IL33: variants seen among roughly 807,000 people sequenced by gnomAD.
IL33 encodes the protein interleukin 33, also known as interleukin-33.
Under a neutral mutation model 27.3 loss-of-function variants are expected in IL33, and 37 were observed. The observed-to-expected ratio is 1.36, with a 90% CI of 1.04 to 1.78. The LOEUF (loss-of-function observed/expected upper bound fraction) is 1.78. Ranked by LOEUF, IL33 falls within the 40% of genes most tolerant of loss-of-function variation. The pLI is 0.00. For missense variants in IL33, 406 were observed against 311.4 expected (o/e 1.30, Z -2.29); for synonymous variants, 132 against 102.9 (o/e 1.28, Z -1.71).
At chr9:6,238,170 G>A (rs1038895065) in intron 1 of IL33, among the ~76,000 whole-genome samples, 1 of 152,184 alleles carries the variant, frequency 6.6e-6, no homozygotes, top group Non-Finnish European at 1.5e-5. Flanking sequence ...CAAGATGGAA[G>A]TCAGGAGGCT....
chr9:6,244,605 A>G (rs1228742892), intron 2 of IL33, among the ~76,000 whole-genome samples: 2 of 152,172 alleles, frequency 1.3e-5, no homozygotes, highest in Non-Finnish European at 2.9e-5. Context: ...GGTAACTGAA[A>G]TCATGGAAAG....
chr9:6,251,424 A>T (rs1195975731), intron 4 of IL33, among the ~76,000 whole-genome samples, 159 bp downstream of exon 4: 1 of 152,114 alleles, frequency 6.6e-6, no homozygotes, highest in African/African-American at 2.4e-5. Flanking sequence ...ATAGTATCCA[A>T]AGTAGGTGCA....
At chr9:6,252,646 C>G (rs1816469271) in intron 4 of IL33, among the ~76,000 whole-genome samples, 1 of 152,166 alleles carries the variant, frequency 6.6e-6, no homozygotes, top group East Asian at 1.9e-4. Flanking sequence ...ACTCACATGG[C>G]CTCCCAGGGC....
intron 1 of IL33, among the ~76,000 whole-genome samples, chr9:6,228,346 C>G (rs1022243442): frequency 3.9e-5 from 6 of 152,116 alleles, no homozygotes; most frequent in Admixed American, 6.6e-5. Context: ...TTATTTAACT[C>G]TACATGCTTT....
intron 2 of IL33, among the ~76,000 whole-genome samples, chr9:6,248,584 C>A (rs1428492719): frequency 6.6e-6 from 1 of 150,662 alleles, no homozygotes; most frequent in African/African-American, 2.4e-5. Context: ...TCTTTTTTTT[C>A]TTTTTTTAGA....
chr9:6,248,057 C>T (rs913792996), intron 2 of IL33, among the ~76,000 whole-genome samples: 1 of 151,998 alleles, frequency 6.6e-6, no homozygotes, highest in Non-Finnish European at 1.5e-5. Context: ...CCATGTGATG[C>T]TGACTAAAAT....
chr9:6,257,254 A>G lies in IL33; in HGVS notation c.*1086A>G, dbSNP rs1816790447. 1 of 152,150 alleles carries G rather than the reference A, an allele frequency of 6.6e-6. No homozygotes were observed. The highest frequency in any genetic ancestry group is 1.5e-5 in the Non-Finnish European group (1 of 68,018). 9.4% of individuals were successfully genotyped at this position (152,150 alleles called of 1,614,324 possible). On this transcript the variant is annotated 3_prime_UTR_variant, in exon 8 of 8. Coordinates refer to ENST00000682010, the MANE Select transcript of IL33 (RefSeq NM_033439.4). Reference sequence around the variant, plus strand: ...CTAATCCTTATTTCCCATGTGCACAAGTCTTTTTGTATTCCAGCTTCCTGA... The same window carrying G: ...CTAATCCTTATTTCCCATGTGCACAGGTCTTTTTGTATTCCAGCTTCCTGA...
intron 2 of IL33, among the ~76,000 whole-genome samples, chr9:6,246,795 A>C (rs1473740708): frequency 1.3e-5 from 2 of 152,210 alleles, no homozygotes; most frequent in African/African-American, 4.8e-5. Context: ...GAAGGCCCTC[A>C]TCAGCTACAG....
chr9:6,239,245 C>A (rs1358819889), intron 1 of IL33, among the ~76,000 whole-genome samples: 1 of 152,174 alleles, frequency 6.6e-6, no homozygotes, highest in Non-Finnish European at 1.5e-5. Flanking sequence ...ACATTCCTTT[C>A]CTTTTTTGGT....
At chr9:6,245,010 C>T (rs1819746153) in intron 2 of IL33, among the ~76,000 whole-genome samples, 2 of 152,202 alleles carry the variant, frequency 1.3e-5, no homozygotes, top group African/African-American at 2.4e-5. Flanking sequence ...GAAAGCCTCT[C>T]ACAACCCTTC....
At chr9:6,247,844 T>C (rs1819954303) in intron 2 of IL33, among the ~76,000 whole-genome samples, 7 of 152,012 alleles carry the variant, frequency 4.6e-5, no homozygotes, top group Admixed American at 3.9e-4. Context: ...TCAAATGTAG[T>C]AACCCCCATC....
At chr9:6,221,439 T>C (rs1755538985) in intron 1 of IL33, among the ~76,000 whole-genome samples, 2 of 152,234 alleles carry the variant, frequency 1.3e-5, no homozygotes, top group South Asian at 4.1e-4. Context: ...CTTTCCATTA[T>C]GTCAAGTGGA....
chr9:6,253,366 A>G (rs1401280418), intron 5 of IL33, among the ~76,000 whole-genome samples, 186 bp from the exon 6 acceptor site: 4 of 152,208 alleles, frequency 2.6e-5, no homozygotes, highest in African/African-American at 7.2e-5. Flanking sequence ...TTTAATAACA[A>G]CTATATTGGA....
At chr9:6,247,548 A>T (rs1819934972) in intron 2 of IL33, among the ~76,000 whole-genome samples, 1 of 152,196 alleles carries the variant, frequency 6.6e-6, no homozygotes, top group Admixed American at 6.5e-5. Context: ...TGAGGGATTC[A>T]TGCTGCTGTT....
chr9:6,229,771 G>T (rs1490795482), intron 1 of IL33, among the ~76,000 whole-genome samples: 1 of 152,160 alleles, frequency 6.6e-6, no homozygotes, highest in Non-Finnish European at 1.5e-5. Flanking sequence ...CACAACCCTT[G>T]TTCCCAAGGA....
chr9:6,244,409 A>G (rs902283581), intron 2 of IL33, among the ~76,000 whole-genome samples: 2 of 152,124 alleles, frequency 1.3e-5, no homozygotes, highest in Non-Finnish European at 2.9e-5. Flanking sequence ...ATAGTAATGA[A>G]CCCTATATAT....
At chr9:6,237,009 T>C (rs1006224798) in intron 1 of IL33, among the ~76,000 whole-genome samples, 25 of 152,340 alleles carry the variant, frequency 1.6e-4, no homozygotes, top group Admixed American at 4.6e-4. Context: ...CATACATCAA[T>C]ACTGTCATCC....
intron 2 of IL33, among the ~76,000 whole-genome samples, chr9:6,248,225 T>A (rs1290861375): frequency 6.8e-6 from 1 of 147,252 alleles, no homozygotes; most frequent in Admixed American, 7.1e-5. Flanking sequence ...GTCAGATCTT[T>A]TTTTCTTTTC....
intron 2 of IL33, among the ~76,000 whole-genome samples, chr9:6,244,136 G>A (rs1008139507): frequency 1.3e-5 from 2 of 152,170 alleles, no homozygotes; most frequent in East Asian, 3.9e-4. Context: ...TTATGCCAGA[G>A]TTGGTGGTAT....
Sources: allele counts gnomAD v4.1 joint callset (sites outside exome capture counted in the v4.1 genomes callset), GRCh38; gene constraint gnomAD v4.1.1; transcripts MANE v1.5; gene names NCBI Gene and HGNC (gene_info 2026-07-23, HGNC 2026-07-21).